BRINP3: variants seen among roughly 807,000 people sequenced by gnomAD.
The protein encoded by BRINP3 is BMP/retinoic acid-inducible neural-specific protein 3.
In BRINP3, 19 loss-of-function variants were observed where a neutral mutation model predicts 71.0. The observed-to-expected ratio is 0.27, with a 90% CI of 0.19 to 0.39. The LOEUF is 0.39. Ranked by LOEUF, BRINP3 falls within the 10% of genes least tolerant of loss-of-function variation. The probability of loss-of-function intolerance (pLI) is 1.00; values close to 1 mark genes in which losing one functional copy is unlikely to be tolerated. For missense variants in BRINP3, 959 were observed against 940.8 expected (o/e 1.02, Z -0.25); for synonymous variants, 380 against 337.7 (o/e 1.13, Z -1.37).
intron 2 of BRINP3, among the ~76,000 whole-genome samples, chr1:190,401,376 C>CA (rs762938571): frequency 0.38 from 34,423 of 89,938 alleles, 5,654 homozygotes; most frequent in Admixed American, 0.47. Flanking sequence ...CATCTCAAAA[C>CA]AAAAAAAAAA....
At chr1:190,268,636 G>C (rs562635226) in intron 3 of BRINP3, among the ~76,000 whole-genome samples, 1 of 152,228 alleles carries the variant, frequency 6.6e-6, no homozygotes, top group Non-Finnish European at 1.5e-5. Flanking sequence ...CAGATAATAT[G>C]ATTATGCAGG....
At chr1:190,435,450 C>T (rs529572044) in intron 2 of BRINP3, among the ~76,000 whole-genome samples, 1 of 151,356 alleles carries the variant, frequency 6.6e-6, no homozygotes, top group African/African-American at 2.4e-5. Context: ...AGATTGATAA[C>T]GTGAGATCGA....
chr1:190,369,847 A>T (rs1337329516), intron 2 of BRINP3, among the ~76,000 whole-genome samples: 2 of 152,146 alleles, frequency 1.3e-5, no homozygotes, highest in Non-Finnish European at 2.9e-5. Context: ...TTATGTTTTT[A>T]AAATAATGTT....
rs552595409 is a variant in BRINP3, at chr1:190,255,045, TCA to T, written c.618+9818_618+9819del. 3.2e-3 allele frequency among the ~76,000 whole-genome samples: 491 copies of T among 152,166 alleles called. 4 individuals carry two copies. Among genetic ancestry groups the T allele is most frequent in the African/African-American group, 0.011 (454 of 41,504 alleles). On this transcript the variant is annotated intron_variant, in intron 4 of 7. Transcript: ENST00000367462. ...TGAGATAATCATGTGGTTTTTTTTTTCATTGGTTCTGTTTATGTGATGGATTA... is the reference window on the plus strand; with the variant it reads ...TGAGATAATCATGTGGTTTTTTTTTTTTGGTTCTGTTTATGTGATGGATTA...
intron 4 of BRINP3, among the ~76,000 whole-genome samples, chr1:190,255,677 C>G (rs1660596037): frequency 6.6e-6 from 1 of 151,626 alleles, no homozygotes; most frequent in Non-Finnish European, 1.5e-5. Flanking sequence ...CTCTTTTCTT[C>G]TTTATTAGTC....
At chr1:190,446,288 G>C (rs1558294055) in intron 2 of BRINP3, among the ~76,000 whole-genome samples, 1 of 151,908 alleles carries the variant, frequency 6.6e-6, no homozygotes, top group African/African-American at 2.4e-5. Context: ...AATGTGTTTT[G>C]ATGATTATTT....
At chr1:190,237,054 A>G (rs1183323835) in intron 4 of BRINP3, among the ~76,000 whole-genome samples, 1 of 151,748 alleles carries the variant, frequency 6.6e-6, no homozygotes, top group African/African-American at 2.4e-5. Context: ...ATATTCACCT[A>G]CTCTGTTGTT....
intron 6 of BRINP3, among the ~76,000 whole-genome samples, chr1:190,202,664 A>T (rs1425288732): frequency 6.6e-6 from 1 of 152,012 alleles, no homozygotes; most frequent in Admixed American, 6.6e-5. Flanking sequence ...TTCCCATGCT[A>T]TTGTGATAGT....
chr1:190,151,696 C>CT (rs1451388299), intron 7 of BRINP3, among the ~76,000 whole-genome samples: 5 of 152,122 alleles, frequency 3.3e-5, no homozygotes, highest in African/African-American at 4.8e-5. Flanking sequence ...GGTGTAATCT[C>CT]TGAGTCCATT....
chr1:190,290,281 T>C (rs548182940), intron 2 of BRINP3, among the ~76,000 whole-genome samples: 2 of 152,256 alleles, frequency 1.3e-5, no homozygotes, highest in East Asian at 3.9e-4. Flanking sequence ...AGAAATATGC[T>C]ATCATTTCCT....
chr1:190,344,148 C>T (rs2103122005), intron 2 of BRINP3, among the ~76,000 whole-genome samples: 3 of 151,790 alleles, frequency 2.0e-5, no homozygotes, highest in East Asian at 3.9e-4. Flanking sequence ...TCTTCTATTA[C>T]TAATATAAAA....
At chr1:190,236,614 C>T (rs1571455435) in intron 4 of BRINP3, among the ~76,000 whole-genome samples, 1 of 151,912 alleles carries the variant, frequency 6.6e-6, no homozygotes, top group East Asian at 1.9e-4. Flanking sequence ...TTTTCCTTAA[C>T]ACCCCAACAA....
At chr1:190,373,113 C>T (rs1669963708) in intron 2 of BRINP3, among the ~76,000 whole-genome samples, 1 of 151,998 alleles carries the variant, frequency 6.6e-6, no homozygotes, top group Non-Finnish European at 1.5e-5. Flanking sequence ...AATTATTGGT[C>T]TAAAAAACAC....
At position 190,477,433 on chromosome 1, in the gene BRINP3, AAGAGAATAACTTACC is replaced by A. The variant is rs1240418784; in HGVS notation, c.-51_-51+14del. On this transcript the variant is annotated splice_donor_variant and splice_donor_5th_base_variant and 5_prime_UTR_variant and intron_variant, in exon 1 of 8. Transcript: ENST00000367462. LOFTEE classifies it low-confidence loss of function (5UTR_SPLICE). ...ATAGTTAAGTTTCTAGTAACAGATAAAGAGAATAACTTACCAGAGGAAATTTCAGGAAGCAAGAAG... is the reference window on the plus strand; with the variant it reads ...ATAGTTAAGTTTCTAGTAACAGATAAAGAGGAAATTTCAGGAAGCAAGAAG... 6.6e-6 allele frequency: 1 copy of A among 152,224 alleles called. No homozygotes were observed. The highest frequency in any genetic ancestry group is 1.9e-4 in the East Asian group (1 of 5,200). The allele number at this position is 152,224 out of a possible 1,614,324, so 9.4% of individuals were successfully genotyped here. A position where few individuals can be genotyped will look rare whatever the true frequency, so the allele number is the denominator to read the frequency against.
chr1:190,213,568 T>C (rs1388712556), intron 6 of BRINP3, among the ~76,000 whole-genome samples: 1 of 151,980 alleles, frequency 6.6e-6, no homozygotes, highest in Admixed American at 6.6e-5. Flanking sequence ...TGAGTTACAA[T>C]GGCCAATTAA....
intron 7 of BRINP3, among the ~76,000 whole-genome samples, chr1:190,156,936 G>C (rs994709461): frequency 6.6e-6 from 1 of 151,874 alleles, no homozygotes; most frequent in Non-Finnish European, 1.5e-5. Flanking sequence ...TAGCATTTTT[G>C]TATGTCAACT....
intron 2 of BRINP3, among the ~76,000 whole-genome samples, chr1:190,302,345 T>C (rs937993630): frequency 3.3e-5 from 5 of 149,866 alleles, no homozygotes; most frequent in African/African-American, 1.2e-4. Flanking sequence ...TAACTCTAAA[T>C]GTATCACACT....
At chr1:190,276,806 T>C (rs1295876177) in intron 3 of BRINP3, among the ~76,000 whole-genome samples, 3 of 151,260 alleles carry the variant, frequency 2.0e-5, no homozygotes, top group Non-Finnish European at 4.4e-5. Flanking sequence ...CAAAATTAAA[T>C]ATCTAAAAAA....
chr1:190,468,957 A>G (rs1387123649), intron 1 of BRINP3, among the ~76,000 whole-genome samples: 1 of 150,980 alleles, frequency 6.6e-6, no homozygotes, highest in Non-Finnish European at 1.5e-5. Flanking sequence ...TCACGTTAGG[A>G]AAAATAATAA....
Sources: allele counts gnomAD v4.1 joint callset (sites outside exome capture counted in the v4.1 genomes callset), GRCh38; gene constraint gnomAD v4.1.1; transcripts MANE v1.5; gene names NCBI Gene and HGNC (gene_info 2026-07-23, HGNC 2026-07-21).